The following COL3A1 variants were observed in gnomAD, a reference collection of about 807,000 sequenced individuals.
COL3A1 encodes collagen alpha-1(III) chain.
Under a neutral mutation model 200.9 loss-of-function variants are expected in COL3A1, and 46 were observed. The observed-to-expected ratio is 0.23, with a 90% CI of 0.18 to 0.29. The LOEUF is 0.29. Ranked by LOEUF, COL3A1 falls within the 10% of genes least tolerant of loss-of-function variation. COL3A1 has a pLI of 1.00. For synonymous variants in COL3A1, 650 were observed against 628.0 expected (o/e 1.03, Z -0.52); for missense variants, 1,367 against 1,917.6 (o/e 0.71, Z 5.36).
chr2:188,984,673 G>A, intron 1 of COL3A1, 87 bp from the exon 2 acceptor site: 1 of 1,133,290 alleles, frequency 8.8e-7, no homozygotes. Flanking sequence ...TTCAACTTTG[G>A]CTATTGTTAA....
At chr2:189,007,157 TA>T (rs1306714315) in intron 44 of COL3A1, among the ~76,000 whole-genome samples, 167 bp downstream of exon 44, 1 of 86,370 alleles carries the variant, frequency 1.2e-5, no homozygotes, top group Non-Finnish European at 2.5e-5. Context: ...TATCTATAGA[TA>T]GATGATAGAT....
Position 189,008,953 on chromosome 2 carries a change from C to A in COL3A1, c.3555C>A (p.Gly1185=). Residue 1185 remains glycine (G), a synonymous_variant, in exon 48 of 51, where the codon GGC becomes GGA. Transcript: ENST00000304636. ...EGSPGHPGQP[G]PPGPPGAPGP... ...CCCCAGGCCACCCAGGGCAACCAGGCCCTCCTGGACCTCCTGGTGCCCCTG... is the reference window on the plus strand; with the variant it reads ...CCCCAGGCCACCCAGGGCAACCAGGACCTCCTGGACCTCCTGGTGCCCCTG... 5 of 1,614,104 alleles carry A rather than the reference C, an allele frequency of 3.1e-6. No individual in the cohort carries two copies. The highest frequency in any genetic ancestry group is 4.2e-6 in the Non-Finnish European group (5 of 1,180,020).
chr2:188,995,215 G>A (rs2153502496), intron 21 of COL3A1, 116 bp downstream of exon 21: 1 of 1,040,070 alleles, frequency 9.6e-7, no homozygotes, highest in Non-Finnish European at 1.4e-6. Flanking sequence ...TTAGAGTTAA[G>A]AAAAATTCCT....
At chr2:188,979,460 T>C (rs1330767519) in intron 1 of COL3A1, among the ~76,000 whole-genome samples, 1 of 151,900 alleles carries the variant, frequency 6.6e-6, no homozygotes, top group East Asian at 1.9e-4. Flanking sequence ...TCTGGTACTA[T>C]TGTTGTTAGA....
At chr2:188,978,360 A>G (rs572789959) in intron 1 of COL3A1, among the ~76,000 whole-genome samples, 75 of 152,082 alleles carry the variant, frequency 4.9e-4, no homozygotes, top group African/African-American at 1.8e-3. Context: ...TACCAGGATT[A>G]TAGTTGAGGC....
intron 41 of COL3A1, chr2:189,005,701 G>C: frequency 2.0e-6 from 1 of 506,772 alleles, no homozygotes; most frequent in Non-Finnish European, 3.6e-6. Context: ...TAGGAAAAAA[G>C]TTAGTGGGGA....
intron 27 of COL3A1, 120 bp downstream of exon 27, chr2:188,997,873 AT>A: frequency 1.1e-6 from 1 of 920,530 alleles, no homozygotes; most frequent in Non-Finnish European, 1.7e-6. Flanking sequence ...TGGAAATAAA[AT>A]TTTAGGCAAT....
In COL3A1 at chr2:188,994,268, T is replaced by G. The variant is rs1369779639; in HGVS notation, c.1229T>G (p.Met410Arg). 1 of 1,613,892 alleles carries G rather than the reference T, an allele frequency of 6.2e-7. No individual in the cohort carries two copies. Among genetic ancestry groups the G allele is most frequent in the Non-Finnish European group, 8.5e-7 (1 of 1,179,996 alleles). ...PAGIPGAPGL[M>R]GARGPPGPAG... ...GGCATTCCTGGAGCTCCTGGACTGATGGGAGCCCGGGGTCCTCCAGGACCA... is the reference window on the plus strand; with the variant it reads ...GGCATTCCTGGAGCTCCTGGACTGAGGGGAGCCCGGGGTCCTCCAGGACCA... Residue 410 changes from methionine to arginine, a missense_variant, in exon 18 of 51, where the codon ATG (methionine) becomes AGG (arginine). Coordinates refer to ENST00000304636, the MANE Select transcript of COL3A1 (RefSeq NM_000090.4). This position sits in a 1 kb window ranked among gnomAD's most constrained non-coding sequence, Gnocchi z 4.5.
Position 188,994,710 on chromosome 2 carries a change from T to A in COL3A1, c.1348-14T>A. On this transcript the variant is annotated splice_polypyrimidine_tract_variant and intron_variant, in intron 19 of 50. Transcript: ENST00000304636. This position sits in a 1 kb window ranked among gnomAD's most constrained non-coding sequence, Gnocchi z 4.5. ...TCATAATTTCTTTATTTTACCATCT[T>A]TTTTTTTTTTCAGGGTGAGGCTGGT... 1 of 1,406,374 alleles carries A rather than the reference T, an allele frequency of 7.1e-7. No individual in the cohort carries two copies. Among genetic ancestry groups the A allele is most frequent in the Non-Finnish European group, 9.8e-7 (1 of 1,022,806 alleles). The allele number at this position is 1,406,374 out of a possible 1,614,324, so 87.1% of individuals were successfully genotyped here. A position where few individuals can be genotyped will look rare whatever the true frequency, so the allele number is the denominator to read the frequency against.
chr2:188,979,309 T>A (rs1403638770), intron 1 of COL3A1, among the ~76,000 whole-genome samples: 2 of 151,942 alleles, frequency 1.3e-5, no homozygotes, highest in East Asian at 3.9e-4. Context: ...TTCACAACGT[T>A]CCAGTTTCAT....
intron 32 of COL3A1, among the ~76,000 whole-genome samples, 165 bp from the exon 33 acceptor site, chr2:189,001,232 A>C (rs992867100): frequency 6.6e-6 from 1 of 152,200 alleles, no homozygotes; most frequent in Non-Finnish European, 1.5e-5. Flanking sequence ...TGAGCTCTGC[A>C]GTATTTACAC....
intron 35 of COL3A1, 137 bp from the exon 36 acceptor site, chr2:189,002,818 C>T: frequency 1.4e-6 from 1 of 736,650 alleles, no homozygotes; most frequent in Non-Finnish European, 2.4e-6. Flanking sequence ...TTTGTCATGT[C>T]TTCAGAAAGC....
chr2:188,993,234 T>A lies in COL3A1; in HGVS notation c.1051-127T>A, dbSNP rs1172001282. On this transcript the variant is annotated intron_variant, in intron 15 of 50. Transcript: ENST00000304636. Reference sequence around the variant, plus strand: ...GCCTTTACGATTAATGATTCCTTGCTTTACCTGCAGTATAGAGTCCCACTA... The same window carrying A: ...GCCTTTACGATTAATGATTCCTTGCATTACCTGCAGTATAGAGTCCCACTA... 3.8e-6 allele frequency: 3 copies of A among 797,138 alleles called. No homozygotes were observed. In the Admixed American group the frequency reaches 6.0e-5, roughly 16 times the overall value. 49.4% of individuals were successfully genotyped at this position (797,138 alleles called of 1,614,324 possible). A position where few individuals can be genotyped will look rare whatever the true frequency, so the allele number is the denominator to read the frequency against.
intron 21 of COL3A1, 41 bp downstream of exon 21, chr2:188,995,140 A>G (rs771782405): frequency 6.5e-7 from 1 of 1,548,438 alleles, no homozygotes; most frequent in Admixed American, 1.7e-5. Flanking sequence ...TGCTAGCACC[A>G]CAAATGGGCA....
intron 34 of COL3A1, among the ~76,000 whole-genome samples, chr2:189,001,974 T>G (rs557899126): frequency 1.2e-4 from 19 of 152,302 alleles, no homozygotes; most frequent in African/African-American, 4.3e-4. Context: ...TTTTTAAAAA[T>G]AAATCAGTTA....
chr2:189,008,539 C>T (rs746110692), intron 47 of COL3A1: 3 of 390,954 alleles, frequency 7.7e-6, no homozygotes, highest in Non-Finnish European at 1.4e-5. Context: ...ATTCCTAATA[C>T]TTTCTATTCC....
In COL3A1 at chr2:188,997,165, G is replaced by A. The variant is rs1553508338; in HGVS notation, c.1762G>A (p.Gly588Ser). The change falls in exon 25 of 51, where the codon GGT (glycine) becomes AGT (serine). Residue 588 changes from glycine to serine, a missense_variant and splice_region_variant. Gly to Ser is a moderately conservative substitution (Grantham distance 56). Around this residue, in one of 5 missense-constraint regions of COL3A1, gnomAD observed 846 missense variants for 1,147.9 expected, o/e 0.74. Coordinates refer to ENST00000304636, the MANE Select transcript of COL3A1 (RefSeq NM_000090.4). Reference sequence around the variant, plus strand: ...TAAATACCGACCACTTCTTCTTTAGGGTGCTCCTGGTAAGAATGGAGAACG... The same window carrying A: ...TAAATACCGACCACTTCTTCTTTAGAGTGCTCCTGGTAAGAATGGAGAACG... Reference protein sequence around the residue: ...MGFPGPKGNDGAPGKNGERGG... With the variant: ...MGFPGPKGNDSAPGKNGERGG... 1 of 1,613,564 alleles carries A rather than the reference G, an allele frequency of 6.2e-7. No individual in the cohort carries two copies. Among genetic ancestry groups the A allele is most frequent in the Non-Finnish European group, 8.5e-7 (1 of 1,179,922 alleles).
intron 27 of COL3A1, 42 bp from the exon 28 acceptor site, chr2:188,998,224 A>T (rs1027578969): frequency 6.4e-7 from 1 of 1,560,698 alleles, no homozygotes; most frequent in Admixed American, 1.7e-5. Flanking sequence ...TCTATAAGCC[A>T]TGTTTGAGGT....
chr2:188,989,968 C>A, intron 8 of COL3A1, 128 bp from the exon 9 acceptor site: 2 of 834,644 alleles, frequency 2.4e-6, no homozygotes, highest in East Asian at 2.5e-5. Context: ...CTGATCTCAA[C>A]TATACATTTT....
Sources: allele counts gnomAD v4.1 joint callset (sites outside exome capture counted in the v4.1 genomes callset), GRCh38; gene constraint gnomAD v4.1.1; regional missense constraint gnomAD v4.1.1; non-coding constraint Gnocchi (gnomAD v3.1); transcripts MANE v1.5; gene names NCBI Gene and HGNC (gene_info 2026-07-23, HGNC 2026-07-21).